Variants in FER observed in about 807,000 individuals in gnomAD.
FER encodes the protein FER tyrosine kinase.
A neutral mutation model predicts 111.0 loss-of-function variants in FER; 63 were observed. That is an observed-to-expected ratio of 0.57 (90% CI 0.46 to 0.70). The LOEUF (loss-of-function observed/expected upper bound fraction) is 0.70, where lower values mean the gene tolerates loss of function less well. FER is among the 30% of genes least tolerant of loss of function. FER has a pLI of 0.00. For missense variants in FER, 914 were observed against 954.0 expected, an observed-to-expected ratio of 0.96 and a Z score of 0.55; for synonymous variants, 327 against 313.9, an observed-to-expected ratio of 1.04 and a Z score of -0.44.
At chr5:109,053,003 A>G (rs1344956418) in intron 16 of FER, among the ~76,000 whole-genome samples, 13 of 152,236 alleles carry the variant, frequency 8.5e-5, no homozygotes, top group Non-Finnish European at 1.8e-4. Flanking sequence ...TTTGGAAAAT[A>G]TCAGATCACC....
chr5:109,142,695 G>A (rs1270205523), intron 17 of FER, among the ~76,000 whole-genome samples: 1 of 152,030 alleles, frequency 6.6e-6, no homozygotes, highest in Non-Finnish European at 1.5e-5. Context: ...AGGCATCAAA[G>A]GCAAATTTGA....
In FER at chr5:108,917,366, T is replaced by A. The variant is rs758776115; in HGVS notation, c.1236+19518T>A. Among the ~76,000 whole-genome samples the A allele has an allele frequency of 2.0e-5, 3 of 152,144 alleles. No homozygotes were observed. The East Asian group carries it at 5.8e-4, about 29-fold the overall frequency. Reference sequence around the variant, plus strand: ...ATTGTAAACACTTAAGATAATTTGGTATATGGGGAGTAAAACAAGCATGGA... The same window carrying A: ...ATTGTAAACACTTAAGATAATTTGGAATATGGGGAGTAAAACAAGCATGGA... On this transcript the variant is annotated intron_variant, in intron 10 of 19. Coordinates refer to ENST00000281092, the MANE Select transcript of FER (RefSeq NM_005246.4).
At chr5:108,991,247 C>T (rs982481753) in intron 13 of FER, among the ~76,000 whole-genome samples, 2 of 151,642 alleles carry the variant, frequency 1.3e-5, no homozygotes, top group Non-Finnish European at 1.5e-5. Context: ...GTGTGTATTT[C>T]AGCTGGCTTC....
chr5:108,770,095 T>C (rs1359666781), intron 2 of FER, among the ~76,000 whole-genome samples: 1 of 152,096 alleles, frequency 6.6e-6, no homozygotes, highest in East Asian at 1.9e-4. Context: ...ATTACAGGCA[T>C]GTGCCACCAT....
intron 17 of FER, among the ~76,000 whole-genome samples, chr5:109,149,950 G>A (rs962921466): frequency 6.6e-6 from 1 of 152,138 alleles, no homozygotes; most frequent in Non-Finnish European, 1.5e-5. Context: ...AATCAGCAAC[G>A]CATTAGATTC....
intron 1 of FER, among the ~76,000 whole-genome samples, chr5:108,767,803 T>G (rs1218822313): frequency 1.3e-5 from 2 of 152,162 alleles, no homozygotes; most frequent in Non-Finnish European, 2.9e-5. Flanking sequence ...TGAAGTTAGT[T>G]TTATGATGTA....
intron 10 of FER, among the ~76,000 whole-genome samples, chr5:108,934,845 A>T (rs1002973994): frequency 9.2e-5 from 14 of 152,242 alleles, no homozygotes; most frequent in African/African-American, 3.4e-4. Flanking sequence ...TTTTGGGGCA[A>T]GGTGTCGCTT....
intron 1 of FER, among the ~76,000 whole-genome samples, chr5:108,762,936 C>T (rs1312217058): frequency 6.6e-6 from 1 of 152,148 alleles, no homozygotes; most frequent in Non-Finnish European, 1.5e-5. Flanking sequence ...TTGAAATCTC[C>T]TACCTACTTC....
intron 13 of FER, 36 bp from the exon 14 acceptor site, chr5:109,037,386 C>T (rs1314342704): frequency 1.3e-5 from 21 of 1,577,540 alleles, no homozygotes; most frequent in Non-Finnish European, 1.7e-5. Flanking sequence ...TGTACCCTTG[C>T]TTGTACTAAA....
chr5:108,775,808 T>C (rs1753424295), intron 2 of FER, among the ~76,000 whole-genome samples: 1 of 152,206 alleles, frequency 6.6e-6, no homozygotes, highest in Non-Finnish European at 1.5e-5. Context: ...AATGATATTA[T>C]TTTGGTAGCT....
At chr5:108,974,681 C>T (rs1761104422) in intron 13 of FER, among the ~76,000 whole-genome samples, 1 of 152,170 alleles carries the variant, frequency 6.6e-6, no homozygotes. Flanking sequence ...ACCTCTTGTA[C>T]TCACAAGTAT....
chr5:109,118,216 G>C (rs568383539), intron 17 of FER, among the ~76,000 whole-genome samples: 9 of 152,256 alleles, frequency 5.9e-5, no homozygotes, highest in Admixed American at 3.9e-4. Flanking sequence ...TTAGCATGAA[G>C]CGTTGTTGAA....
At chr5:109,051,752 T>G in intron 16 of FER, 8 of 1,569,872 alleles carry the variant, frequency 5.1e-6, no homozygotes, top group Middle Eastern at 1.7e-4. Context: ...ACCCAATCCT[T>G]AACGCCCTTG....
At chr5:109,122,183 C>T (rs1306793973) in intron 17 of FER, among the ~76,000 whole-genome samples, 1 of 151,388 alleles carries the variant, frequency 6.6e-6, no homozygotes, top group Non-Finnish European at 1.5e-5. Flanking sequence ...GAAATTTTTC[C>T]ACTTTGTTGA....
chr5:108,989,535 T>C (rs770944314), intron 13 of FER, among the ~76,000 whole-genome samples: 10 of 152,054 alleles, frequency 6.6e-5, no homozygotes, highest in Non-Finnish European at 1.5e-4. Context: ...TCCTAGGTCA[T>C]TTAGCATATT....
chr5:109,039,832 G>C (rs139851675), intron 14 of FER, among the ~76,000 whole-genome samples: 184 of 152,114 alleles, frequency 1.2e-3, no homozygotes, highest in African/African-American at 4.3e-3. Context: ...ATGGCGAGCT[G>C]GTGGGCAATT....
At chr5:109,106,216 A>G (rs922349574) in intron 17 of FER, among the ~76,000 whole-genome samples, 6 of 152,262 alleles carry the variant, frequency 3.9e-5, no homozygotes, top group African/African-American at 1.4e-4. Flanking sequence ...GATCATGAGC[A>G]AAAACAGAAG....
chr5:108,972,616 T>A (rs1760813185), intron 13 of FER, among the ~76,000 whole-genome samples: 1 of 152,182 alleles, frequency 6.6e-6, no homozygotes, highest in Admixed American at 6.5e-5. Context: ...AATAAGGATA[T>A]TTTTACTCAC....
At chr5:108,759,011 T>C (rs1751424584) in intron 1 of FER, among the ~76,000 whole-genome samples, 3 of 152,214 alleles carry the variant, frequency 2.0e-5, no homozygotes, top group Non-Finnish European at 4.4e-5. Context: ...AAGAGATTTG[T>C]TTAAGTACTG....
Sources: gnomAD v4.1 joint callset for allele counts (sites outside exome capture counted in the v4.1 genomes callset) on GRCh38, gnomAD v4.1.1 for gene constraint, MANE v1.5 for transcripts, NCBI Gene and HGNC (gene_info 2026-07-23, HGNC 2026-07-21) for gene names.